GPR142: variants seen among roughly 807,000 people sequenced by gnomAD.
The protein encoded by GPR142 is G protein-coupled receptor 142.
In GPR142, 9 loss-of-function variants were observed where a neutral mutation model predicts 10.6. The ratio of observed to expected loss-of-function variants is 0.85; its 90% CI spans 0.51 to 1.48. The LOEUF (loss-of-function observed/expected upper bound fraction) is 1.48, where lower values mean the gene tolerates loss of function less well. Ranked by LOEUF, GPR142 falls within the 40% of genes most tolerant of loss-of-function variation. GPR142 has a pLI of 0.00. For missense variants in GPR142, 482 were observed against 506.0 expected (o/e 0.95, Z 0.45); for synonymous variants, 202 against 221.2 (o/e 0.91, Z 0.77).
At chr17:74,370,492 C>A (rs759994120) in intron 2 of GPR142, 29 bp from the exon 3 acceptor site, 7 of 1,586,558 alleles carry the variant, frequency 4.4e-6, no homozygotes, top group Non-Finnish European at 6.0e-6. Flanking sequence ...AGACCAGAGG[C>A]TCTGACTCTG....
chr17:74,370,507 T>C lies in GPR142; in HGVS notation c.95-14T>C, dbSNP rs753406150. 4 of 1,602,768 alleles carry C rather than the reference T, an allele frequency of 2.5e-6. No homozygotes were observed. The highest frequency in any genetic ancestry group is 3.4e-6 in the Non-Finnish European group (4 of 1,173,820). Reference sequence around the variant, plus strand: ...AGACCAGAGGCTCTGACTCTGCCCATCCGCACCTTCTAGCTGGCCAGCCAC... The same window carrying C: ...AGACCAGAGGCTCTGACTCTGCCCACCCGCACCTTCTAGCTGGCCAGCCAC... On this transcript the variant is annotated splice_polypyrimidine_tract_variant and intron_variant, in intron 2 of 3. Coordinates refer to ENST00000582579, the MANE Select transcript of GPR142 (RefSeq NM_001331076.1).
Position 74,367,714 on chromosome 17 carries a change from T to C in GPR142, c.-154T>C. 1 of 1,611,262 alleles carries C rather than the reference T, an allele frequency of 6.2e-7. No individual in the cohort carries two copies. Among genetic ancestry groups the C allele is most frequent in the South Asian group, 1.1e-5 (1 of 90,742 alleles). On this transcript the variant is annotated 5_prime_UTR_variant, in exon 1 of 4. Transcript: ENST00000582579. ...ACAGGGGGAAGCTGGGACCTCCGAA[T>C]AAGGCCATCCAAGGACTCCAGCAGT...
At chr17:74,371,636 T>C in intron 3 of GPR142, 93 bp from the exon 4 acceptor site, 1 of 1,289,288 alleles carries the variant, frequency 7.8e-7, no homozygotes, top group East Asian at 2.4e-5. Context: ...CCTCTGCACA[T>C]GCAGATGGGG....
rs769970833 is a variant in GPR142, at chr17:74,372,135, A to G, written c.660A>G (p.Thr220=). The change falls in exon 4 of 4, where the codon ACA becomes ACG. Residue 220 remains threonine, a synonymous_variant. Transcript: ENST00000582579. ...DMWRDTDSPR[T]LDEVLKWAHC... ...GGAGAGACACCGACTCACCCAGAAC[A>G]CTGGACGAGGTCCTCAAGTGGGCTC... is the stretch of plus-strand genomic sequence containing the variant. 16 of 1,614,130 alleles carry G rather than the reference A, an allele frequency of 9.9e-6. No individual in the cohort carries two copies. Among genetic ancestry groups the G allele is most frequent in the Non-Finnish European group, 1.2e-5 (14 of 1,180,006 alleles).
intron 3 of GPR142, among the ~76,000 whole-genome samples, chr17:74,371,168 T>TTTTC (rs1382390645): frequency 6.7e-6 from 1 of 148,876 alleles, no homozygotes; most frequent in Non-Finnish European, 1.5e-5. Flanking sequence ...GCTTTTTTTT[T>TTTTC]TTTTTTGAGA....
intron 3 of GPR142, 111 bp from the exon 4 acceptor site, chr17:74,371,618 C>G (rs1344851492): frequency 1.8e-6 from 2 of 1,138,756 alleles, no homozygotes; most frequent in Non-Finnish European, 2.5e-6. Flanking sequence ...AAAGAGAAGC[C>G]AGCGCAGCCT....
chr17:74,368,860 C>T (rs2055002443), intron 1 of GPR142, among the ~76,000 whole-genome samples: 1 of 152,142 alleles, frequency 6.6e-6, no homozygotes, highest in African/African-American at 2.4e-5. Flanking sequence ...GCAGCCTCGT[C>T]CGGCTGCTCC....
At chr17:74,367,868 C>T in intron 1 of GPR142, 74 bp downstream of exon 1, 2 of 1,369,588 alleles carry the variant, frequency 1.5e-6, no homozygotes, top group Non-Finnish European at 2.0e-6. Flanking sequence ...TCTCCCTCTC[C>T]TCGCTCTGAA....
At chr17:74,371,601 G>A in intron 3 of GPR142, 128 bp from the exon 4 acceptor site, 1 of 993,302 alleles carries the variant, frequency 1.0e-6, no homozygotes, top group Non-Finnish European at 1.4e-6. Context: ...GGATCTGGAA[G>A]GAGAAAAAAG....
At position 74,372,514 on chromosome 17, in the gene GPR142, C is replaced by A. The variant is rs867314318; in HGVS notation, c.1039C>A (p.Pro347Thr). ...ACAGGTCATCCACGATGCCTACCTG[C>A]CCTGCACTTTGGCATCACAGCCAGA... is the stretch of plus-strand genomic sequence containing the variant. ...VRQVIHDAYL[P>T]CTLASQPEGM... The change falls in exon 4 of 4, where the codon CCC becomes ACC. Residue 347 changes from proline to threonine, a missense_variant. Physicochemically the swap from Pro to Thr is conservative, Grantham distance 38. Transcript: ENST00000582579. 1.9e-6 allele frequency: 3 copies of A among 1,613,332 alleles called. No individual in the cohort carries two copies. In the Admixed American group the frequency reaches 5.0e-5, roughly 27 times the overall value.
chr17:74,371,744 C>A lies in GPR142; in HGVS notation c.269C>A (p.Ala90Glu). 1 of 1,603,118 alleles carries A rather than the reference C, an allele frequency of 6.2e-7. No individual in the cohort carries two copies. Among genetic ancestry groups the A allele is most frequent in the South Asian group, 1.1e-5 (1 of 90,914 alleles). Reference protein sequence around the residue: ...GLGLPVSLLTAVALARLATRT... With the variant: ...GLGLPVSLLTEVALARLATRT... ...CTGCCCTCAGTCAGCCTCCTGACCG[C>A]AGTGGCCCTGGCGCGCCTTGCCACC... Residue 90 changes from alanine (A) to glutamate (E), a missense_variant, in exon 4 of 4, where the codon GCA (alanine) becomes GAA (glutamate). By Grantham distance (107) the Ala-to-Glu change is moderately radical (BLOSUM62 -1). Transcript: ENST00000582579.
In GPR142 at chr17:74,371,767, A is replaced by C; in HGVS notation, c.292A>C (p.Thr98Pro). ...CGCAGTGGCCCTGGCGCGCCTTGCC[A>C]CCAGGACCAGGAGGCCCTCCTACTA... is the stretch of plus-strand genomic sequence containing the variant. ...LTAVALARLA[T>P]RTRRPSYYYL... The change falls in exon 4 of 4, where the codon ACC (threonine) becomes CCC (proline). Residue 98 changes from threonine to proline, a missense_variant. By Grantham distance (38) the Thr-to-Pro change is conservative. Transcript: ENST00000582579. The C allele has an allele frequency of 6.2e-7, 1 of 1,610,222 alleles. No individual in the cohort carries two copies. The highest frequency in any genetic ancestry group is 8.5e-7 in the Non-Finnish European group (1 of 1,178,684).
chr17:74,370,564 C>G lies in GPR142; in HGVS notation c.138C>G (p.Ser46Arg), dbSNP rs1173337357. ...CCCTGCTGCCCACGCCCCACGTCAGCGGGCTGAGCCAGGAGTTTGAAAGCC... is the reference window on the plus strand; with the variant it reads ...CCCTGCTGCCCACGCCCCACGTCAGGGGGCTGAGCCAGGAGTTTGAAAGCC... ...RVTLLPTPHVSGLSQEFESHW... is the reference protein window; with the variant it reads ...RVTLLPTPHVRGLSQEFESHW... The change falls in exon 3 of 4, where the codon AGC (serine) becomes AGG (arginine). Residue 46 changes from serine to arginine, a missense_variant. Physicochemically the swap from Ser to Arg is moderately radical, Grantham distance 110 (BLOSUM62 -1). Coordinates refer to ENST00000582579, the MANE Select transcript of GPR142 (RefSeq NM_001331076.1). 6.2e-7 allele frequency: 1 copy of G among 1,612,188 alleles called. No homozygotes were observed. Among genetic ancestry groups the G allele is most frequent in the Admixed American group, 1.7e-5 (1 of 59,776 alleles).
In GPR142 at chr17:74,371,757, G is replaced by T; in HGVS notation, c.282G>T (p.Ala94=). Reference sequence around the variant, plus strand: ...GCCTCCTGACCGCAGTGGCCCTGGCGCGCCTTGCCACCAGGACCAGGAGGC... The same window carrying T: ...GCCTCCTGACCGCAGTGGCCCTGGCTCGCCTTGCCACCAGGACCAGGAGGC... ...PVSLLTAVAL[A]RLATRTRRPS... Residue 94 remains alanine (A), a synonymous_variant, in exon 4 of 4, where the codon GCG becomes GCT. Transcript: ENST00000582579. 1 of 1,607,192 alleles carries T rather than the reference G, an allele frequency of 6.2e-7. No individual in the cohort carries two copies.
In GPR142 at chr17:74,371,817, G is replaced by T. The variant is rs201879156; in HGVS notation, c.342G>T (p.Ser114=). 6.2e-7 allele frequency: 1 copy of T among 1,613,622 alleles called. No individual in the cohort carries two copies. Among genetic ancestry groups the T allele is most frequent in the South Asian group, 1.1e-5 (1 of 91,076 alleles). ...ACTACCTTCTGGCGCTCACAGCCTC[G>T]GATATCATCATCCAGGTGGTCATCG... ...SYYYLLALTA[S]DIIIQVVIVF... is the part of the protein sequence containing the mutation. The change falls in exon 4 of 4, where the codon TCG becomes TCT. Residue 114 remains serine, a synonymous_variant. Transcript: ENST00000582579.
Position 74,371,709 on chromosome 17 carries a change from C to G in GPR142, c.254-20C>G. ...CTCTCTTCTGATGCCTCTCCCCTCC[C>G]TCACCTCGGCTGCCCTCAGTCAGCC... is the stretch of plus-strand genomic sequence containing the variant. On this transcript the variant is annotated intron_variant, in intron 3 of 3. Transcript: ENST00000582579. 2 of 1,580,492 alleles carry G rather than the reference C, an allele frequency of 1.3e-6. No individual in the cohort carries two copies. Among genetic ancestry groups the G allele is most frequent in the Non-Finnish European group, 1.7e-6 (2 of 1,162,582 alleles).
chr17:74,370,686 G>C lies in GPR142; in HGVS notation c.253+7G>C. On this transcript the variant is annotated splice_region_variant and intron_variant, in intron 3 of 3. Transcript: ENST00000582579. ...CTGGGCTTGGGGCTGCCTGGTGAGTGGGGAGCTGGGGTCTGGGGACTTGGG... is the reference window on the plus strand; with the variant it reads ...CTGGGCTTGGGGCTGCCTGGTGAGTCGGGAGCTGGGGTCTGGGGACTTGGG... 1 of 1,608,564 alleles carries C rather than the reference G, an allele frequency of 6.2e-7. No homozygotes were observed. Among genetic ancestry groups the C allele is most frequent in the Non-Finnish European group, 8.5e-7 (1 of 1,176,652 alleles).
At position 74,371,829 on chromosome 17, in the gene GPR142, C is replaced by T. The variant is rs771694304; in HGVS notation, c.354C>T (p.Ile118=). 7.4e-6 allele frequency: 12 copies of T among 1,613,768 alleles called. No homozygotes were observed. The Admixed American group carries it at 1.8e-4, about 25-fold the overall frequency. ...LLALTASDII[I]QVVIVFAGFL... ...CGCTCACAGCCTCGGATATCATCAT[C>T]CAGGTGGTCATCGTGTTCGCGGGCT... The change falls in exon 4 of 4, where the codon ATC becomes ATT. Residue 118 remains isoleucine (I), a synonymous_variant. Coordinates refer to ENST00000582579, the MANE Select transcript of GPR142 (RefSeq NM_001331076.1).
At chr17:74,369,443 C>G in intron 1 of GPR142, 25 bp from the exon 2 acceptor site, 1 of 1,551,762 alleles carries the variant, frequency 6.4e-7, no homozygotes. Context: ...TCCTCCTTCC[C>G]CCGCCCCGCC....
Sources: gnomAD v4.1 joint callset for allele counts (sites outside exome capture counted in the v4.1 genomes callset) on GRCh38, gnomAD v4.1.1 for gene constraint, MANE v1.5 for transcripts, NCBI Gene and HGNC (gene_info 2026-07-23, HGNC 2026-07-21) for gene names.